IMMP2L: variants seen among roughly 807,000 people sequenced by gnomAD.
IMMP2L encodes inner mitochondrial membrane peptidase subunit 2, also known as mitochondrial inner membrane protease subunit 2.
IMMP2L carries 18 observed loss-of-function variants against 19.3 expected under a neutral mutation model. The ratio of observed to expected loss-of-function variants is 0.93; its 90% CI spans 0.64 to 1.38. The LOEUF (loss-of-function observed/expected upper bound fraction) is 1.38, where lower values mean the gene tolerates loss of function less well. IMMP2L is among the 40% of genes most tolerant of loss of function. The pLI is 0.00. For synonymous variants in IMMP2L, 76 were observed against 73.0 expected (o/e 1.04, Z -0.21); for missense variants, 233 against 218.2 (o/e 1.07, Z -0.43).
intron 5 of IMMP2L, among the ~76,000 whole-genome samples, chr7:110,871,695 G>T (rs913738195): frequency 6.6e-6 from 1 of 151,982 alleles, no homozygotes; most frequent in African/African-American, 2.4e-5. Flanking sequence ...AAAAGAAGGG[G>T]ATGCAAAGAA....
chr7:111,361,858 A>G (rs1306595069), intron 3 of IMMP2L, among the ~76,000 whole-genome samples: 1 of 152,120 alleles, frequency 6.6e-6, no homozygotes, highest in Non-Finnish European at 1.5e-5. Flanking sequence ...CATTTTACAA[A>G]ATGGTTTGTT....
intron 3 of IMMP2L, among the ~76,000 whole-genome samples, chr7:111,419,803 C>G (rs1447967874): frequency 6.6e-6 from 1 of 151,158 alleles, no homozygotes; most frequent in Admixed American, 6.6e-5. Context: ...TAACTGAGAC[C>G]TGTCTCAGAT....
chr7:111,079,195 G>A (rs1795673840), intron 3 of IMMP2L, among the ~76,000 whole-genome samples: 1 of 148,130 alleles, frequency 6.8e-6, no homozygotes, highest in Admixed American at 6.7e-5. Context: ...TCGGCTCACT[G>A]CAAGCTCCGC....
chr7:111,190,122 T>A (rs1808712056), intron 3 of IMMP2L, among the ~76,000 whole-genome samples: 1 of 152,138 alleles, frequency 6.6e-6, no homozygotes, highest in Admixed American at 6.6e-5. Context: ...TTTTTTACAC[T>A]AAATTAAATG....
chr7:111,101,199 G>A (rs1446211678), intron 3 of IMMP2L, among the ~76,000 whole-genome samples: 1 of 151,398 alleles, frequency 6.6e-6, no homozygotes, highest in East Asian at 1.9e-4. Flanking sequence ...TTTGAAAGAA[G>A]AAATATTCTA....
intron 3 of IMMP2L, among the ~76,000 whole-genome samples, chr7:111,391,029 TAC>T (rs1832303395): frequency 6.6e-6 from 1 of 152,132 alleles, no homozygotes; most frequent in Admixed American, 6.6e-5. Context: ...TGAGAATTCT[TAC>T]ACTTATTTGA....
At chr7:111,525,969 G>C (rs1027571617) in intron 1 of IMMP2L, among the ~76,000 whole-genome samples, 1 of 152,010 alleles carries the variant, frequency 6.6e-6, no homozygotes, top group African/African-American at 2.4e-5. Flanking sequence ...ATCAAGGAAG[G>C]CCTGCCCCAC....
chr7:111,537,191 G>A (rs1847962621), intron 1 of IMMP2L, among the ~76,000 whole-genome samples: 1 of 152,050 alleles, frequency 6.6e-6, no homozygotes, highest in Non-Finnish European at 1.5e-5. Flanking sequence ...CCAGCCTTGA[G>A]ATAAGGCTAA....
rs921741113 is a variant in IMMP2L at position 111,123,849 on chromosome 7, C to A, written c.240-160284G>T. 2.5e-6 allele frequency: 4 copies of A among 1,613,826 alleles called. No individual in the cohort carries two copies. Among genetic ancestry groups the A allele is most frequent in the African/African-American group, 1.3e-5 (1 of 74,904 alleles). On this transcript the variant is annotated intron_variant, in intron 3 of 5. Coordinates refer to ENST00000405709, the MANE Select transcript of IMMP2L (RefSeq NM_032549.4). This position sits in a 1 kb window ranked among gnomAD's most constrained non-coding sequence, Gnocchi z 6.4. The stretch of plus-strand genomic sequence containing the variant: ...ATGGTACCATTGAGTCTCTGCCAAA[C>A]CTCAAGGAAATCAGCATACACAGTA...
intron 3 of IMMP2L, among the ~76,000 whole-genome samples, chr7:111,060,194 T>C (rs1377559790): frequency 6.6e-6 from 1 of 152,248 alleles, no homozygotes; most frequent in African/African-American, 2.4e-5. Context: ...TACCCAAGCC[T>C]ATTACTGACA....
At chr7:111,508,419 C>T (rs1446173291) in intron 2 of IMMP2L, among the ~76,000 whole-genome samples, 2 of 152,084 alleles carry the variant, frequency 1.3e-5, no homozygotes, top group African/African-American at 2.4e-5. Context: ...TTGTTGTGGT[C>T]TTTCTACTCC....
chr7:110,812,046 C>G (rs1038171394), intron 5 of IMMP2L, among the ~76,000 whole-genome samples: 5 of 152,008 alleles, frequency 3.3e-5, no homozygotes, highest in African/African-American at 1.2e-4. Context: ...CCTTATTTCT[C>G]TGACACATAT....
chr7:111,291,747 T>C (rs2129691710), intron 3 of IMMP2L, among the ~76,000 whole-genome samples: 1 of 152,204 alleles, frequency 6.6e-6, no homozygotes, highest in African/African-American at 2.4e-5. Flanking sequence ...AAAAGGTAGA[T>C]TTCAAATGTT....
intron 3 of IMMP2L, among the ~76,000 whole-genome samples, chr7:111,045,678 G>C (rs1454149850): frequency 6.6e-6 from 1 of 152,186 alleles, no homozygotes; most frequent in Non-Finnish European, 1.5e-5. Flanking sequence ...AGGTGGAATG[G>C]AGCCATGAGC....
intron 5 of IMMP2L, among the ~76,000 whole-genome samples, chr7:110,859,463 C>T (rs1404952047): frequency 6.6e-6 from 1 of 151,624 alleles, no homozygotes; most frequent in Non-Finnish European, 1.5e-5. Context: ...CTAGTATGGG[C>T]TGTGTGTGGT....
intron 4 of IMMP2L, among the ~76,000 whole-genome samples, chr7:110,948,371 C>A (rs2129553828): frequency 6.6e-6 from 1 of 152,252 alleles, no homozygotes; most frequent in East Asian, 1.9e-4. Context: ...TTTTCTATAA[C>A]AATGAATGAA....
intron 3 of IMMP2L, among the ~76,000 whole-genome samples, chr7:111,407,892 C>T (rs1834033454): frequency 6.6e-6 from 1 of 151,976 alleles, no homozygotes; most frequent in African/African-American, 2.4e-5. Flanking sequence ...ACAATAACTA[C>T]TACTCACTGA....
intron 1 of IMMP2L, among the ~76,000 whole-genome samples, chr7:111,525,609 T>A (rs1433294671): frequency 1.3e-5 from 2 of 151,980 alleles, no homozygotes; most frequent in Non-Finnish European, 2.9e-5. Flanking sequence ...CAGATTTATG[T>A]ATATATTTTG....
At chr7:111,096,219 A>C (rs990979237) in intron 3 of IMMP2L, among the ~76,000 whole-genome samples, 11 of 152,042 alleles carry the variant, frequency 7.2e-5, no homozygotes, top group African/African-American at 2.6e-4. Flanking sequence ...AACATCTTTA[A>C]GACAGGAGAA....
Sources: allele counts gnomAD v4.1 joint callset (sites outside exome capture counted in the v4.1 genomes callset), GRCh38; gene constraint gnomAD v4.1.1; non-coding constraint Gnocchi (gnomAD v3.1); transcripts MANE v1.5; gene names NCBI Gene and HGNC (gene_info 2026-07-23, HGNC 2026-07-21).